TANC2: variants seen among roughly 807,000 people sequenced by gnomAD.
TANC2 encodes the protein protein TANC2.
Under a neutral mutation model 210.5 loss-of-function variants are expected in TANC2, and 26 were observed. That is an observed-to-expected ratio of 0.12 (90% CI 0.09 to 0.17). The LOEUF (loss-of-function observed/expected upper bound fraction) is 0.17, where lower values mean the gene tolerates loss of function less well. Ranked by LOEUF, TANC2 falls within the 10% of genes least tolerant of loss-of-function variation. The probability of loss-of-function intolerance (pLI) is 1.00; values close to 1 mark genes in which losing one functional copy is unlikely to be tolerated. For synonymous variants in TANC2, 931 were observed against 967.1 expected (o/e 0.96, Z 0.69); for missense variants, 2,129 against 2,608.9 (o/e 0.82, Z 4.01).
chr17:63,269,244 T>C (rs1417083051), intron 9 of TANC2, among the ~76,000 whole-genome samples: 2 of 152,168 alleles, frequency 1.3e-5, no homozygotes, highest in Non-Finnish European at 2.9e-5. Context: ...CCCAGTCCTT[T>C]TGTCCATCCT....
intron 4 of TANC2, among the ~76,000 whole-genome samples, chr17:63,108,794 C>T (rs2037922291): frequency 6.6e-6 from 1 of 150,848 alleles, no homozygotes; most frequent in Non-Finnish European, 1.5e-5. Flanking sequence ...GGTGACAGAG[C>T]AAGACTCCAT....
intron 9 of TANC2, among the ~76,000 whole-genome samples, chr17:63,282,759 A>G (rs2044098259): frequency 6.6e-6 from 1 of 151,828 alleles, no homozygotes; most frequent in African/African-American, 2.4e-5. Flanking sequence ...CTGCGCCTTT[A>G]ATTTGGATTT....
At chr17:63,145,009 G>C (rs2039417486) in intron 4 of TANC2, among the ~76,000 whole-genome samples, 1 of 150,882 alleles carries the variant, frequency 6.6e-6, no homozygotes, top group Non-Finnish European at 1.5e-5. Flanking sequence ...GATTCTACTG[G>C]TTTTTCCTTC....
intron 2 of TANC2, among the ~76,000 whole-genome samples, chr17:63,051,946 T>C (rs1043052910): frequency 6.6e-6 from 1 of 152,144 alleles, no homozygotes; most frequent in African/African-American, 2.4e-5. Context: ...TTACAATGGG[T>C]TTATCAAGAC....
rs189741955 is a variant in TANC2, at chr17:63,251,638, C to A, written c.1033+13561C>A. Among the ~76,000 whole-genome samples the A allele has an allele frequency of 2.0e-3, 306 of 152,178 alleles. 1 individual carries two copies. Among genetic ancestry groups the A allele is most frequent in the Non-Finnish European group, 3.3e-3 (221 of 67,966 alleles). The stretch of plus-strand genomic sequence containing the variant: ...ACACCAACCATAATTTTATTGTAGT[C>A]CCAGATTAAAGCCATAGTTCCCCAT... On this transcript the variant is annotated intron_variant, in intron 8 of 27. Coordinates refer to ENST00000689528, the Ensembl canonical transcript of TANC2.
intron 9 of TANC2, among the ~76,000 whole-genome samples, chr17:63,269,549 A>G (rs933945779): frequency 2.0e-5 from 3 of 152,164 alleles, no homozygotes; most frequent in Admixed American, 2.0e-4. Context: ...GACATTGTTG[A>G]CTTTATTTTC....
At chr17:63,380,147 T>G (rs1404271886) in intron 15 of TANC2, among the ~76,000 whole-genome samples, 2 of 152,182 alleles carry the variant, frequency 1.3e-5, no homozygotes, top group African/African-American at 4.8e-5. Context: ...TAGTTGCAGG[T>G]TTTCATGATG....
intron 9 of TANC2, among the ~76,000 whole-genome samples, chr17:63,302,760 G>A (rs2044763690): frequency 6.6e-6 from 1 of 151,586 alleles, no homozygotes; most frequent in Non-Finnish European, 1.5e-5. Context: ...GCCAGTCTGT[G>A]TCAGGTTTTT....
chr17:63,117,487 G>C (rs1259259574), intron 4 of TANC2, among the ~76,000 whole-genome samples: 1 of 152,172 alleles, frequency 6.6e-6, no homozygotes. Context: ...GTGCTTCTCT[G>C]GATACAAAAA....
At chr17:63,373,038 G>A (rs1363425229) in intron 14 of TANC2, among the ~76,000 whole-genome samples, 1 of 151,950 alleles carries the variant, frequency 6.6e-6, no homozygotes, top group Admixed American at 6.6e-5. Flanking sequence ...AGGAGCACAG[G>A]CACATGCCAC....
intron 5 of TANC2, among the ~76,000 whole-genome samples, chr17:63,157,849 G>A (rs111289752): frequency 0.032 from 4,793 of 152,072 alleles, 88 homozygotes; most frequent in Middle Eastern, 0.065. Flanking sequence ...TCCAGGGCTC[G>A]AGCAATCCTC....
intron 7 of TANC2, among the ~76,000 whole-genome samples, chr17:63,220,719 A>ATATAT (rs1555609722): frequency 4.5e-5 from 6 of 134,392 alleles, no homozygotes; most frequent in South Asian, 2.3e-4. Flanking sequence ...AAAAAAAAAA[A>ATATAT]ATATATATAT....
chr17:63,397,282 A>C (rs947905455), intron 18 of TANC2, among the ~76,000 whole-genome samples: 2 of 146,436 alleles, frequency 1.4e-5, no homozygotes, highest in Admixed American at 6.8e-5. Flanking sequence ...CTCAAAAAAA[A>C]ACAAACAAAC....
chr17:63,415,500 G>T, intron 25 of TANC2, 28 bp from the exon 26 acceptor site: 4 of 1,611,170 alleles, frequency 2.5e-6, no homozygotes, highest in Non-Finnish European at 2.5e-6. Context: ...GACCAACTGT[G>T]TGTTTCGCCA....
intron 2 of TANC2, among the ~76,000 whole-genome samples, chr17:63,056,989 GT>G (rs549114783): frequency 1.1e-4 from 16 of 143,752 alleles, no homozygotes; most frequent in Admixed American, 1.4e-4. Context: ...GGATTTTTTT[GT>G]TTTTTTTTTT....
Position 63,421,840 on chromosome 17 carries a change from T to C in TANC2, c.6110T>C (p.Leu2037Pro), listed in dbSNP as rs1237259444. The stretch of plus-strand genomic sequence containing the variant: ...CCCGACGTGAAGGTAGCTCGGACTC[T>C]ACCTGTGGCTCAGGCATACCAGGAC... Residue 2037 changes from leucine to proline, a missense_variant, in exon 28 of 28, where the codon CTA becomes CCA. By Grantham distance (98) the Leu-to-Pro change is moderately conservative. Coordinates refer to ENST00000689528, the Ensembl canonical transcript of TANC2. The surrounding 1 kb of genome is among the most constrained non-coding windows in gnomAD (Gnocchi z 6.9). 3.1e-6 allele frequency: 5 copies of C among 1,614,050 alleles called. No individual in the cohort carries two copies. In the South Asian group the frequency reaches 5.5e-5, roughly 18 times the overall value.
chr17:63,260,844 G>A (rs372901609), intron 8 of TANC2, among the ~76,000 whole-genome samples: 14 of 152,166 alleles, frequency 9.2e-5, no homozygotes, highest in African/African-American at 3.4e-4. Context: ...AGGGACTGGT[G>A]TTCAATTCTT....
intron 2 of TANC2, among the ~76,000 whole-genome samples, chr17:63,051,259 C>T (rs1168917628): frequency 6.6e-6 from 1 of 152,106 alleles, no homozygotes; most frequent in Admixed American, 6.5e-5. Flanking sequence ...TTTCTGTGTT[C>T]TAGTTACATT....
chr17:63,181,865 C>T (rs1272208711), intron 5 of TANC2, among the ~76,000 whole-genome samples: 1 of 152,218 alleles, frequency 6.6e-6, no homozygotes, highest in Non-Finnish European at 1.5e-5. Context: ...AGCATCACTC[C>T]TGTTCTCATC....
Sources: gnomAD v4.1 joint callset for allele counts (sites outside exome capture counted in the v4.1 genomes callset) on GRCh38, gnomAD v4.1.1 for gene constraint, Gnocchi (gnomAD v3.1) non-coding constraint, MANE v1.5 for transcripts, NCBI Gene and HGNC (gene_info 2026-07-23, HGNC 2026-07-21) for gene names.